Variants in ROBO2 observed in about 807,000 individuals in gnomAD.
ROBO2 encodes roundabout homolog 2.
Under a neutral mutation model 160.8 loss-of-function variants are expected in ROBO2, and 53 were observed. The ratio of observed to expected loss-of-function variants is 0.33; its 90% CI spans 0.26 to 0.41. The LOEUF is 0.41. Among genes scored for constraint, ROBO2 ranks in the 10% least tolerant of loss-of-function variants. The pLI, the probability that ROBO2 is intolerant of heterozygous loss-of-function variation, is 1.00. For synonymous variants in ROBO2, 664 were observed against 611.7 expected (o/e 1.09, Z -1.26); for missense variants, 1,577 against 1,722.4 (o/e 0.92, Z 1.49).
intron 2 of ROBO2, among the ~76,000 whole-genome samples, chr3:75,947,728 TAAA>T: frequency 6.6e-6 from 1 of 152,094 alleles, no homozygotes; most frequent in Admixed American, 6.6e-5. Context: ...GCATGATCAA[TAAA>T]ACCTTTGGGG....
intron 2 of ROBO2, among the ~76,000 whole-genome samples, chr3:76,256,524 T>C (rs1706398289): frequency 6.6e-6 from 1 of 151,812 alleles, no homozygotes; most frequent in South Asian, 2.1e-4. Context: ...CTGGGCAATA[T>C]GGCGAAATCC....
intron 2 of ROBO2, among the ~76,000 whole-genome samples, chr3:76,630,580 T>C (rs2089971173): frequency 6.6e-6 from 1 of 152,158 alleles, no homozygotes; most frequent in African/African-American, 2.4e-5. Context: ...ATTGTTTCAT[T>C]TAAGGTAGAA....
At chr3:77,393,580 A>T (rs934207412) in intron 2 of ROBO2, among the ~76,000 whole-genome samples, 52 of 148,604 alleles carry the variant, frequency 3.5e-4, no homozygotes, top group Non-Finnish European at 6.5e-4. Flanking sequence ...TATAATTATA[A>T]TATATAGTAA....
At chr3:77,624,487 C>A (rs1435870264) in intron 23 of ROBO2, among the ~76,000 whole-genome samples, 1 of 151,894 alleles carries the variant, frequency 6.6e-6, no homozygotes, top group African/African-American at 2.4e-5. Flanking sequence ...ATGAGAATAG[C>A]CCTGAGGTAG....
At chr3:76,770,721 T>A (rs968855103) in intron 2 of ROBO2, among the ~76,000 whole-genome samples, 1 of 151,370 alleles carries the variant, frequency 6.6e-6, no homozygotes, top group Non-Finnish European at 1.5e-5. Context: ...ATTGTGTTTT[T>A]AAAAATATAT....
intron 2 of ROBO2, among the ~76,000 whole-genome samples, chr3:76,402,304 C>T (rs1396034475): frequency 2.0e-5 from 3 of 151,410 alleles, no homozygotes; most frequent in African/African-American, 7.3e-5. Context: ...TATGTTGATC[C>T]ACACACATAA....
At chr3:77,277,157 C>CTTCTTTCT (rs758551962) in intron 2 of ROBO2, among the ~76,000 whole-genome samples, 6,516 of 87,768 alleles carry the variant, frequency 0.074, 616 homozygotes, top group East Asian at 0.22. Flanking sequence ...TCCTTCTTTC[C>CTTCTTTCT]TTCTTTCTTT....
chr3:76,111,942 T>C (rs1202928355), intron 2 of ROBO2, among the ~76,000 whole-genome samples: 2 of 152,132 alleles, frequency 1.3e-5, no homozygotes, highest in Non-Finnish European at 2.9e-5. Context: ...CTTCTCAGAA[T>C]GGGCACAGAT....
chr3:76,094,362 C>A (rs2069355169), intron 2 of ROBO2, among the ~76,000 whole-genome samples: 1 of 152,218 alleles, frequency 6.6e-6, no homozygotes, highest in Non-Finnish European at 1.5e-5. Flanking sequence ...TCCAGCAAAT[C>A]TTCCCAACAA....
intron 2 of ROBO2, among the ~76,000 whole-genome samples, chr3:76,980,868 A>C (rs1343469608): frequency 6.6e-6 from 1 of 152,154 alleles, no homozygotes; most frequent in East Asian, 1.9e-4. Flanking sequence ...TTAGGCAACT[A>C]ATCATCTACA....
intron 3 of ROBO2, 133 bp downstream of exon 3, chr3:77,477,704 A>G (rs2084187915): frequency 2.1e-6 from 2 of 955,730 alleles, no homozygotes; most frequent in Non-Finnish European, 3.2e-6. Flanking sequence ...ACTGCCTTGA[A>G]AAGATTTAAA....
At chr3:76,095,407 A>C (rs977459091) in intron 2 of ROBO2, among the ~76,000 whole-genome samples, 1 of 152,102 alleles carries the variant, frequency 6.6e-6, no homozygotes, top group African/African-American at 2.4e-5. Flanking sequence ...AAGGAAAGAT[A>C]ATATAATAAA....
At chr3:76,897,278 C>CT (rs1259206313) in intron 2 of ROBO2, among the ~76,000 whole-genome samples, 1 of 105,756 alleles carries the variant, frequency 9.5e-6, no homozygotes, top group African/African-American at 3.3e-5. Context: ...GCTGCTTTCA[C>CT]CAAAAAAAAA....
At chr3:76,902,884 T>TATA (rs1470888169) in intron 2 of ROBO2, among the ~76,000 whole-genome samples, 2 of 151,834 alleles carry the variant, frequency 1.3e-5, no homozygotes, top group South Asian at 4.1e-4. Context: ...AACTATGTTA[T>TATA]ATAATAATAA....
chr3:76,815,833 G>A (rs2065621766), intron 2 of ROBO2, among the ~76,000 whole-genome samples: 1 of 151,856 alleles, frequency 6.6e-6, no homozygotes, highest in Admixed American at 6.6e-5. Context: ...CTCATATTTA[G>A]TAATTACTTT....
intron 1 of ROBO2, among the ~76,000 whole-genome samples, chr3:77,090,877 G>T (rs1310109274): frequency 6.6e-6 from 1 of 152,046 alleles, no homozygotes; most frequent in Non-Finnish European, 1.5e-5. Flanking sequence ...GAATCTTCCT[G>T]GGTTAATTCT....
intron 2 of ROBO2, among the ~76,000 whole-genome samples, chr3:76,682,650 C>A (rs2106963024): frequency 6.6e-6 from 1 of 152,240 alleles, no homozygotes. Context: ...TCGTGATCCA[C>A]CTGCCTCTGC....
intron 5 of ROBO2, among the ~76,000 whole-genome samples, chr3:77,508,176 T>C (rs75032505): frequency 0.03 from 4,578 of 151,636 alleles, 111 homozygotes; most frequent in Non-Finnish European, 0.041. Context: ...ATAATTGTTC[T>C]GATTTTCACT....
intron 2 of ROBO2, among the ~76,000 whole-genome samples, chr3:76,922,437 G>A (rs2076729101): frequency 6.6e-6 from 1 of 152,190 alleles, no homozygotes; most frequent in African/African-American, 2.4e-5. Context: ...AATAATTGTG[G>A]CTTTAGGTAG....
Sources: allele counts gnomAD v4.1 joint callset (sites outside exome capture counted in the v4.1 genomes callset), GRCh38; gene constraint gnomAD v4.1.1; transcripts MANE v1.5; gene names NCBI Gene and HGNC (gene_info 2026-07-23, HGNC 2026-07-21).